TRPV1: variants seen among roughly 807,000 people sequenced by gnomAD.
TRPV1 encodes transient receptor potential cation channel subfamily V member 1.
A neutral mutation model predicts 82.3 loss-of-function variants in TRPV1; 82 were observed. The observed-to-expected ratio is 1.00, with a 90% CI of 0.83 to 1.20. TRPV1 has a LOEUF of 1.20. Among genes scored for constraint, TRPV1 ranks in the 50% most tolerant of loss-of-function variants. The pLI, the probability that TRPV1 is intolerant of heterozygous loss-of-function variation, is 0.00. For synonymous variants in TRPV1, 515 were observed against 467.7 expected, an observed-to-expected ratio of 1.10 and a Z score of -1.30; for missense variants, 1,067 against 1,096.8, an observed-to-expected ratio of 0.97 and a Z score of 0.38.
rs222748 is a variant in TRPV1, at chr17:3,591,067, G to C, written c.501C>G (p.His167Gln). Residue 167 changes from histidine (H) to glutamine (Q), a missense_variant, in exon 5 of 17, where the codon CAC becomes CAG. By Grantham distance (24) the His-to-Gln change is conservative (BLOSUM62 0). Coordinates refer to ENST00000572705, the MANE Select transcript of TRPV1 (RefSeq NM_080704.4). ...GGGGGATGGTGGTGTTCTGTCCGTC[G>C]TGCAGGTTGAGCATGGCTTTCAGCA... ...TCLLKAMLNL[H>Q]DGQNTTIPLL... 1.9e-6 allele frequency: 3 copies of C among 1,612,770 alleles called. No homozygotes were observed. The highest frequency in any genetic ancestry group is 1.7e-6 in the Non-Finnish European group (2 of 1,179,448).
Position 3,609,341 on chromosome 17 carries a change from G to GAGAGAGAGAGAGAA in TRPV1, c.-206_-205insTTCTCTCTCTCTCT, listed in dbSNP as rs1237953997. The GAGAGAGAGAGAGAA allele has an allele frequency of 3.3e-5, 5 of 152,080 alleles. No homozygotes were observed. Among genetic ancestry groups the GAGAGAGAGAGAGAA allele is most frequent in the African/African-American group, 1.2e-4 (5 of 41,376 alleles). The allele number at this position is 152,080 out of a possible 1,614,324, so 9.4% of individuals were successfully genotyped here. On this transcript the variant is annotated 5_prime_UTR_variant, in exon 1 of 17. Coordinates refer to ENST00000572705, the MANE Select transcript of TRPV1 (RefSeq NM_080704.4). ...GGATACTGAGAGAGAGAGAGAGAGA[G>GAGAGAGAGAGAGAA]AGAGAGAGAATACGACTGCTTCCCA...
At chr17:3,596,764 C>T (rs114890125) in intron 2 of TRPV1, among the ~76,000 whole-genome samples, 3,697 of 152,352 alleles carry the variant, frequency 0.024, 141 homozygotes, top group African/African-American at 0.079. Flanking sequence ...TACTACCCCC[C>T]GTTTTCAGAT....
chr17:3,592,045 G>A (rs751150763), intron 3 of TRPV1, 22 bp downstream of exon 3: 2 of 1,602,976 alleles, frequency 1.2e-6, no homozygotes, highest in South Asian at 2.2e-5. Context: ...AGCAGGGAGG[G>A]GGGCTCCAGA....
At chr17:3,586,608 C>T (rs1013116849) in intron 8 of TRPV1, among the ~76,000 whole-genome samples, 2 of 151,908 alleles carry the variant, frequency 1.3e-5, no homozygotes, top group Admixed American at 6.6e-5. Context: ...TCCTTCTCTA[C>T]AAAAATACAA....
rs1170346520 is a variant in TRPV1 at position 3,574,053 on chromosome 17, T to G, written c.1781-98A>C. 4 of 1,073,972 alleles carry G rather than the reference T, an allele frequency of 3.7e-6. No individual in the cohort carries two copies. The African/African-American group carries it at 6.4e-5, about 17-fold the overall frequency. The allele number at this position is 1,073,972 out of a possible 1,614,324, so 66.5% of individuals were successfully genotyped here. A position where few individuals can be genotyped will look rare whatever the true frequency, so the allele number is the denominator to read the frequency against. On this transcript the variant is annotated intron_variant, in intron 13 of 16. Coordinates refer to ENST00000572705, the MANE Select transcript of TRPV1 (RefSeq NM_080704.4). ...CTGCTCAGTCAGTCTCAAATAACTT[T>G]GTGACAAGTTATTTTTAAAGCATCC...
intron 2 of TRPV1, among the ~76,000 whole-genome samples, chr17:3,603,436 A>T (rs1412126117): frequency 6.6e-6 from 1 of 152,164 alleles, no homozygotes; most frequent in African/African-American, 2.4e-5. Context: ...CCTTGGATGG[A>T]AGAGGCCCGC....
At chr17:3,574,268 T>G (rs1183625492) in intron 13 of TRPV1, among the ~76,000 whole-genome samples, 1 of 152,202 alleles carries the variant, frequency 6.6e-6, no homozygotes, top group Non-Finnish European at 1.5e-5. Flanking sequence ...TCACACCCTG[T>G]TGGCCTGCAT....
At chr17:3,571,159 C>T (rs758946154) in intron 16 of TRPV1, among the ~76,000 whole-genome samples, 5 of 152,226 alleles carry the variant, frequency 3.3e-5, no homozygotes, top group Admixed American at 6.5e-5. Flanking sequence ...TAGGACGTCG[C>T]ATGCACACGT....
intron 10 of TRPV1, among the ~76,000 whole-genome samples, chr17:3,581,923 GC>G (rs2075020345): frequency 1.4e-5 from 2 of 145,506 alleles, no homozygotes; most frequent in Non-Finnish European, 3.0e-5. Flanking sequence ...AGGCACAGTG[GC>G]TCACACCTGT....
At chr17:3,608,070 G>A (rs971985582) in intron 2 of TRPV1, among the ~76,000 whole-genome samples, 1 of 151,862 alleles carries the variant, frequency 6.6e-6, no homozygotes, top group African/African-American at 2.4e-5. Context: ...AATTAGCCAG[G>A]CGTGGTGGCA....
At position 3,592,673 on chromosome 17, in the gene TRPV1, C is replaced by G. The variant is rs545161291; in HGVS notation, c.-33-290G>C. 5.4e-5 allele frequency: 20 copies of G among 370,272 alleles called. No individual in the cohort carries two copies. In the East Asian group the frequency reaches 9.3e-4, roughly 17 times the overall value. 22.9% of individuals were successfully genotyped at this position (370,272 alleles called of 1,614,324 possible). ...GAGCCATCTGTGGTTCTGGGTTAGA[C>G]CCATCCCTCCTCGTCTCTGGGCCTC... On this transcript the variant is annotated intron_variant, in intron 2 of 16. Transcript: ENST00000572705.
chr17:3,571,619 G>A lies in TRPV1; in HGVS notation c.2252C>T (p.Thr751Ile), dbSNP rs2074855228. Reference protein sequence around the residue: ...WCFRVDEVNWTTWNTNVGIIN... With the variant: ...WCFRVDEVNWITWNTNVGIIN... ...GATGCCCACGTTGGTGTTCCAGGTG[G>A]TCCAGTTCACCTCGTCCACCCTGCA... The change falls in exon 16 of 17, where the codon ACC becomes ATC. Residue 751 changes from threonine (T) to isoleucine (I), a missense_variant. Physicochemically the swap from Thr to Ile is moderately conservative, Grantham distance 89 (BLOSUM62 -1). Coordinates refer to ENST00000572705, the MANE Select transcript of TRPV1 (RefSeq NM_080704.4). The A allele has an allele frequency of 6.2e-7, 1 of 1,611,816 alleles. No homozygotes were observed. Among genetic ancestry groups the A allele is most frequent in the Non-Finnish European group, 8.5e-7 (1 of 1,179,106 alleles).
In TRPV1 at chr17:3,572,235, G is replaced by C. The variant is rs548898102; in HGVS notation, c.2118C>G (p.Ile706Met). The C allele has an allele frequency of 1.9e-6, 3 of 1,609,430 alleles. No homozygotes were observed. The highest frequency in any genetic ancestry group is 1.1e-5 in the South Asian group (1 of 89,944). ...TAAGGAAGCTCTTCTCCGTGTCCAG[G>C]ATGGTGATGGCTCTCTGCAGGAAGA... is the stretch of plus-strand genomic sequence containing the variant. ...NIWKLQRAIT[I>M]LDTEKSFLKC... is the part of the protein sequence containing the mutation. Residue 706 changes from isoleucine (I) to methionine (M), a missense_variant, in exon 15 of 17, where the codon ATC (isoleucine) becomes ATG (methionine). Transcript: ENST00000572705.
chr17:3,577,676 C>G lies in TRPV1; in HGVS notation c.1635G>C (p.Leu545=), dbSNP rs769312292. The change falls in exon 12 of 17, where the codon CTG becomes CTC. Residue 545 remains leucine (L), a synonymous_variant. Coordinates refer to ENST00000572705, the MANE Select transcript of TRPV1 (RefSeq NM_080704.4). ...KEYVASMVFS[L]ALGWTNMLYY... is the part of the protein sequence containing the mutation. The stretch of plus-strand genomic sequence containing the variant: ...AGAGCATGTTGGTCCAGCCCAAGGC[C>G]AGGGAGAATACCATGGAAGCCACAT... The G allele has an allele frequency of 6.3e-7, 1 of 1,588,674 alleles. No homozygotes were observed. The highest frequency in any genetic ancestry group is 8.6e-7 in the Non-Finnish European group (1 of 1,167,944).
chr17:3,575,539 T>G (rs2074918726), intron 13 of TRPV1, among the ~76,000 whole-genome samples: 1 of 151,660 alleles, frequency 6.6e-6, no homozygotes. Flanking sequence ...GTGATTCAGG[T>G]AAGACTCATC....
chr17:3,588,963 A>T (rs746821224), intron 7 of TRPV1: 1 of 1,535,470 alleles, frequency 6.5e-7, no homozygotes, highest in South Asian at 1.2e-5. Context: ...ATTCTCGATA[A>T]CCTCAAGCCA....
intron 13 of TRPV1, among the ~76,000 whole-genome samples, chr17:3,575,851 A>G (rs2074921735): frequency 6.6e-6 from 1 of 152,122 alleles, no homozygotes; most frequent in Non-Finnish European, 1.5e-5. Flanking sequence ...ATTGAGAAAC[A>G]TTGTCAAAAC....
Position 3,572,093 on chromosome 17 carries a change from C to T in TRPV1, c.2231+29G>A. On this transcript the variant is annotated intron_variant, in intron 15 of 16. Coordinates refer to ENST00000572705, the MANE Select transcript of TRPV1 (RefSeq NM_080704.4). ...ACAGGTGAGCCCCAAAGCTCCCAAG[C>T]CCTGATTCAGGTGGAGCCTGGGCAT... The T allele has an allele frequency of 3.1e-6, 5 of 1,607,418 alleles. No individual in the cohort carries two copies. In the East Asian group the frequency reaches 6.7e-5, roughly 22 times the overall value.
Position 3,573,713 on chromosome 17 carries a change from G to A in TRPV1, c.2023C>T (p.Leu675=), listed in dbSNP as rs201941212. 10 of 1,614,074 alleles carry A rather than the reference G, an allele frequency of 6.2e-6. No individual in the cohort carries two copies. The South Asian group carries it at 1.1e-4, about 18-fold the overall frequency. ...LAYVILTYIL[L]LNMLIALMGE... ...ATGAGGGCGATGAGCATGTTGAGCA[G>A]GAGGATGTAGGTGAGAATTACATAG... The change falls in exon 14 of 17, where the codon CTG becomes TTG. Residue 675 remains leucine (L), a synonymous_variant. Transcript: ENST00000572705.
Sources: gnomAD v4.1 joint callset for allele counts (sites outside exome capture counted in the v4.1 genomes callset) on GRCh38, gnomAD v4.1.1 for gene constraint, MANE v1.5 for transcripts, NCBI Gene and HGNC (gene_info 2026-07-23, HGNC 2026-07-21) for gene names.